Variants in CFAP47 observed in about 807,000 individuals in gnomAD.
CFAP47 encodes cilia and flagella associated protein 47.
A neutral mutation model predicts 148.1 loss-of-function variants in CFAP47; 29 were observed. The ratio of observed to expected loss-of-function variants is 0.20; its 90% CI spans 0.15 to 0.27. The LOEUF (loss-of-function observed/expected upper bound fraction) is 0.27, where lower values mean the gene tolerates loss of function less well. CFAP47 is among the 10% of genes least tolerant of loss of function. The pLI is 1.00. For missense variants in CFAP47, 1,872 were observed against 1,697.5 expected (o/e 1.10, Z -1.81); for synonymous variants, 664 against 577.3 (o/e 1.15, Z -2.15).
intron 49 of CFAP47, among the ~76,000 whole-genome samples, 153 bp from the exon 50 acceptor site, chrX:36,280,334 T>C (rs1941064720): frequency 9.0e-6 from 1 of 111,710 alleles, no homozygotes; most frequent in South Asian, 3.7e-4. Context: ...TCTGAATAGG[T>C]ATGAGGTTTA....
chrX:36,124,476 A>G (rs780619264), intron 33 of CFAP47, among the ~76,000 whole-genome samples: 25 of 111,352 alleles, frequency 2.2e-4, no homozygotes, highest in South Asian at 3.8e-4. Context: ...CCTTCTGGCT[A>G]TGCTTGGTTT....
intron 57 of CFAP47, among the ~76,000 whole-genome samples, chrX:36,346,324 A>C (rs782645883): frequency 3.2e-4 from 35 of 110,892 alleles, no homozygotes; most frequent in Non-Finnish European, 4.9e-4. Flanking sequence ...AGCCTAAATA[A>C]ATCAGAATCT....
rs1395924702 is a variant in CFAP47, at chrX:36,384,960, G to A, written c.9518G>A (p.Gly3173Glu). 2.6e-5 allele frequency: 30 copies of A among 1,165,118 alleles called. No homozygotes were observed. Among genetic ancestry groups the A allele is most frequent in the Non-Finnish European group, 3.3e-5 (29 of 871,806 alleles). ...VRENTKLIRT[G>E]VSSTIKGAPL... The stretch of plus-strand genomic sequence containing the variant: ...GAAAATACTAAACTCATAAGAACAG[G>A]GGTGTCTTCCACCATCAAGGGTGCT... The change falls in exon 64 of 64, where the codon GGG becomes GAG. Residue 3173 changes from glycine to glutamate, a missense_variant. By Grantham distance (98) the Gly-to-Glu change is moderately conservative. Transcript: ENST00000378653.
At chrX:36,233,291 G>C (rs1259754216) in intron 46 of CFAP47, among the ~76,000 whole-genome samples, 4 of 111,580 alleles carry the variant, frequency 3.6e-5, no homozygotes, top group Non-Finnish European at 7.5e-5. Context: ...TTATGAATCT[G>C]GTTGCTCCTG....
chrX:36,142,677 A>C (rs1266573758), intron 35 of CFAP47, among the ~76,000 whole-genome samples: 4 of 111,818 alleles, frequency 3.6e-5, no homozygotes, highest in Non-Finnish European at 7.5e-5. Flanking sequence ...CTTATTAAAT[A>C]TAGTTTCCCA....
At chrX:36,353,221 T>A (rs1025889375) in intron 59 of CFAP47, among the ~76,000 whole-genome samples, 2 of 110,938 alleles carry the variant, frequency 1.8e-5, no homozygotes, top group South Asian at 7.5e-4. Flanking sequence ...TGGATCTAAC[T>A]ACATCAGTTC....
chrX:36,371,557 ATGTGTATATATATG>A (rs1262143757), intron 62 of CFAP47, among the ~76,000 whole-genome samples: 6 of 101,596 alleles, frequency 5.9e-5, no homozygotes, highest in East Asian at 3.3e-4. Context: ...GTGTATATAT[ATGTGTATATATATG>A]TGTGTATATA....
chrX:36,257,207 G>T (rs1555999114), intron 49 of CFAP47, among the ~76,000 whole-genome samples: 1 of 111,289 alleles, frequency 9.0e-6, no homozygotes, highest in African/African-American at 3.3e-5. Context: ...AAAAGAGGGG[G>T]TAGAACTCAG....
At chrX:36,086,441 A>G (rs950498245) in intron 30 of CFAP47, among the ~76,000 whole-genome samples, 1 of 111,640 alleles carries the variant, frequency 9.0e-6, no homozygotes, top group Non-Finnish European at 1.9e-5. Context: ...TTTTAGATGT[A>G]TTATTGTGAT....
chrX:36,349,852 G>A (rs1341697450), intron 58 of CFAP47, among the ~76,000 whole-genome samples, 186 bp from the exon 59 acceptor site: 1 of 111,223 alleles, frequency 9.0e-6, no homozygotes, highest in Non-Finnish European at 1.9e-5. Flanking sequence ...GATTTTCCAG[G>A]GTTTGCTTTG....
At chrX:36,310,211 A>G (rs1276186559) in intron 55 of CFAP47, among the ~76,000 whole-genome samples, 1 of 111,185 alleles carries the variant, frequency 9.0e-6, no homozygotes, top group African/African-American at 3.2e-5. Flanking sequence ...AAATACAAAG[A>G]GATTTTCAAA....
chrX:36,069,842 A>G (rs1035049729), intron 27 of CFAP47, among the ~76,000 whole-genome samples: 2 of 112,133 alleles, frequency 1.8e-5, no homozygotes, highest in East Asian at 2.8e-4. Context: ...AAATATATCA[A>G]GTATATCTAA....
intron 29 of CFAP47, among the ~76,000 whole-genome samples, chrX:36,076,971 A>G (rs1047236578): frequency 1.8e-5 from 2 of 110,699 alleles, no homozygotes; most frequent in East Asian, 2.8e-4. Flanking sequence ...GCCAAGTATC[A>G]TAGTATCATT....
chrX:36,073,381 T>C lies in CFAP47; in HGVS notation c.4691+17T>C. 3 of 1,059,140 alleles carry C rather than the reference T, an allele frequency of 2.8e-6. No homozygotes were observed. Among genetic ancestry groups the C allele is most frequent in the Non-Finnish European group, 3.9e-6 (3 of 765,510 alleles). 87.3% of individuals were successfully genotyped at this position (1,059,140 alleles called of 1,213,427 possible). ...TATAAGAAGGTGAGAGTCCCATGTT[T>C]CTCTAAATTCTTTGCTTCATATCAC... On this transcript the variant is annotated intron_variant, in intron 29 of 63. Transcript: ENST00000378653.
chrX:36,175,300 T>A (rs1261731563), intron 39 of CFAP47, among the ~76,000 whole-genome samples: 1 of 112,389 alleles, frequency 8.9e-6, no homozygotes, highest in Non-Finnish European at 1.9e-5. Flanking sequence ...TTCTCTCAGC[T>A]CATCAAGGTC....
intron 57 of CFAP47, among the ~76,000 whole-genome samples, chrX:36,332,269 C>T (rs1327329754): frequency 1.0e-5 from 1 of 100,216 alleles, no homozygotes. Context: ...TCTGATATGT[C>T]AAAAATTTAA....
At chrX:36,198,775 T>C (rs1939945621) in intron 42 of CFAP47, among the ~76,000 whole-genome samples, 1 of 111,869 alleles carries the variant, frequency 8.9e-6, no homozygotes, top group Admixed American at 9.5e-5. Context: ...TAATGAGGCA[T>C]GTCTGGACTC....
At chrX:36,231,782 A>G (rs370138448) in intron 46 of CFAP47, among the ~76,000 whole-genome samples, 10 of 111,509 alleles carry the variant, frequency 9.0e-5, no homozygotes, top group East Asian at 2.8e-4. Flanking sequence ...TTTGAGATAC[A>G]TCCCATCAAT....
intron 45 of CFAP47, among the ~76,000 whole-genome samples, chrX:36,216,696 T>C (rs1198597415): frequency 9.0e-6 from 1 of 111,429 alleles, no homozygotes; most frequent in Non-Finnish European, 1.9e-5. Context: ...GGATTGCTTA[T>C]TGGTCAGGTT....
Sources: gnomAD v4.1 joint callset for allele counts (sites outside exome capture counted in the v4.1 genomes callset) on GRCh38, gnomAD v4.1.1 for gene constraint, MANE v1.5 for transcripts, NCBI Gene and HGNC (gene_info 2026-07-23, HGNC 2026-07-21) for gene names.